Variants in ANKS1B observed in about 807,000 individuals in gnomAD.
The protein encoded by ANKS1B is ankyrin repeat and sterile alpha motif domain-containing protein 1B.
Under a neutral mutation model 148.3 loss-of-function variants are expected in ANKS1B, and 36 were observed. The observed-to-expected ratio is 0.24, with a 90% confidence interval of 0.19 to 0.32. ANKS1B has a LOEUF of 0.32. Ranked by LOEUF, ANKS1B falls within the 10% of genes least tolerant of loss-of-function variation. The pLI, the probability that ANKS1B is intolerant of heterozygous loss-of-function variation, is 1.00. For synonymous variants in ANKS1B, 542 were observed against 560.8 expected (o/e 0.97, Z 0.47); for missense variants, 1,157 against 1,542.6 (o/e 0.75, Z 4.19).
intron 25 of ANKS1B, among the ~76,000 whole-genome samples, chr12:98,766,079 T>A (rs1353100537): frequency 6.6e-6 from 1 of 152,238 alleles, no homozygotes; most frequent in Non-Finnish European, 1.5e-5. Context: ...AATGTCTGGT[T>A]TCTAACTTCA....
intron 17 of ANKS1B, among the ~76,000 whole-genome samples, chr12:98,994,017 T>C (rs1464322474): frequency 1.3e-5 from 2 of 152,178 alleles, no homozygotes; most frequent in Non-Finnish European, 2.9e-5. Flanking sequence ...ACATTGTAAT[T>C]AATTAAAACA....
intron 10 of ANKS1B, among the ~76,000 whole-genome samples, chr12:99,483,868 A>G (rs2096450750): frequency 1.3e-5 from 2 of 151,744 alleles, no homozygotes; most frequent in South Asian, 4.2e-4. Context: ...TTTCTAATTG[A>G]GCTTATTTGA....
At position 98,987,261 on chromosome 12, in the gene ANKS1B, GA is replaced by G. The variant is rs1322001272; in HGVS notation, c.2778+65895del. Reference sequence around the variant, plus strand: ...GCAATAAATAGGTCAAAATTGTGCTGATGAACTTCATTAAAATTTTAACTTC... The same window carrying G: ...GCAATAAATAGGTCAAAATTGTGCTGTGAACTTCATTAAAATTTTAACTTC... On this transcript the variant is annotated intron_variant, in intron 17 of 26. Transcript: ENST00000683438. Among the ~76,000 whole-genome samples the G allele has an allele frequency of 4.6e-5, 7 of 151,114 alleles. No individual in the cohort carries two copies. The East Asian group carries it at 1.4e-3, about 29-fold the overall frequency.
intron 8 of ANKS1B, among the ~76,000 whole-genome samples, chr12:99,767,047 A>G (rs2062715219): frequency 2.6e-5 from 4 of 152,246 alleles, no homozygotes; most frequent in Middle Eastern, 6.8e-3. Context: ...ATATTTTCCA[A>G]AAGTAGGGAC....
At chr12:98,989,695 T>G (rs2099925400) in intron 17 of ANKS1B, among the ~76,000 whole-genome samples, 1 of 152,106 alleles carries the variant, frequency 6.6e-6, no homozygotes, top group African/African-American at 2.4e-5. Flanking sequence ...GTCCCAGCAC[T>G]TTGGGAGGCC....
intron 17 of ANKS1B, among the ~76,000 whole-genome samples, chr12:98,864,031 G>A (rs914304899): frequency 7.2e-5 from 11 of 151,954 alleles, no homozygotes; most frequent in African/African-American, 1.2e-4. Flanking sequence ...TTCAATAACC[G>A]TAAGAGCTGG....
At chr12:99,544,766 A>T (rs2153139752) in intron 9 of ANKS1B, among the ~76,000 whole-genome samples, 1 of 152,116 alleles carries the variant, frequency 6.6e-6, no homozygotes, top group East Asian at 1.9e-4. Context: ...TAGGTCTGAG[A>T]CTCACCTCCC....
chr12:99,060,338 G>A (rs1344738325), intron 16 of ANKS1B, among the ~76,000 whole-genome samples: 1 of 152,000 alleles, frequency 6.6e-6, no homozygotes, highest in East Asian at 1.9e-4. Context: ...GAAACCACAG[G>A]ACAGTACTCT....
intron 1 of ANKS1B, among the ~76,000 whole-genome samples, chr12:99,849,029 T>C (rs1035534548): frequency 1.3e-5 from 2 of 152,012 alleles, no homozygotes; most frequent in Admixed American, 1.3e-4. Context: ...TAATAGATAC[T>C]GGGAAATAAA....
At chr12:99,445,595 T>C (rs970153542) in intron 10 of ANKS1B, among the ~76,000 whole-genome samples, 4 of 152,050 alleles carry the variant, frequency 2.6e-5, no homozygotes, top group African/African-American at 9.7e-5. Context: ...GGAGGCTTTG[T>C]GTATGAGAAT....
chr12:98,810,889 C>T (rs1403050826), intron 19 of ANKS1B, among the ~76,000 whole-genome samples: 1 of 152,178 alleles, frequency 6.6e-6, no homozygotes, highest in East Asian at 1.9e-4. Context: ...CTTAAAAAGC[C>T]CGGGGTGGAT....
At chr12:98,793,235 AT>A (rs1413380275) in intron 22 of ANKS1B, among the ~76,000 whole-genome samples, 1 of 152,138 alleles carries the variant, frequency 6.6e-6, no homozygotes, top group Non-Finnish European at 1.5e-5. Flanking sequence ...TTCCCTACTG[AT>A]TAATGATATT....
rs942664551 is a variant in ANKS1B at position 99,554,903 on chromosome 12, C to T, written c.1273-50262G>A. Among the ~76,000 whole-genome samples the T allele has an allele frequency of 7.2e-5, 11 of 152,064 alleles. No homozygotes were observed. The South Asian group carries it at 1.5e-3, about 20-fold the overall frequency. On this transcript the variant is annotated intron_variant, in intron 9 of 26. Coordinates refer to ENST00000683438, the MANE Select transcript of ANKS1B (RefSeq NM_001352186.2). The stretch of plus-strand genomic sequence containing the variant: ...TCTGTTGTTCCCTTCTTTGTGTCCA[C>T]GTGTCCTCAATGTTTAGCAGCCACA...
At position 99,806,647 on chromosome 12, in the gene ANKS1B, T is replaced by G; in HGVS notation, c.426A>C (p.Glu142Asp). The G allele has an allele frequency of 6.2e-7, 1 of 1,613,994 alleles. No individual in the cohort carries two copies. Among genetic ancestry groups the G allele is most frequent in the Non-Finnish European group, 8.5e-7 (1 of 1,179,872 alleles). The change falls in exon 4 of 27, where the codon GAA (glutamate) becomes GAC (aspartate). Residue 142 changes from glutamate (E) to aspartate (D), a missense_variant. Glu to Asp is a conservative substitution (Grantham distance 45). This residue lies in a region of ANKS1B where 164 missense variants were observed against 232.6 expected (regional missense o/e 0.71). Transcript: ENST00000683438. ...LHCAAQYGHS[E>D]VVAVLLEELT... ...GCTCTTCTAGGAGAACAGCAACTACTTCTGAGTGTCCATATTGAGCTGCAC... is the reference window on the plus strand; with the variant it reads ...GCTCTTCTAGGAGAACAGCAACTACGTCTGAGTGTCCATATTGAGCTGCAC...
At chr12:99,322,247 C>T (rs1238011388) in intron 12 of ANKS1B, among the ~76,000 whole-genome samples, 1 of 151,936 alleles carries the variant, frequency 6.6e-6, no homozygotes, top group African/African-American at 2.4e-5. Context: ...AGTAAACTAA[C>T]ACAGGAACAG....
At chr12:99,742,226 C>A (rs2060187247) in intron 8 of ANKS1B, among the ~76,000 whole-genome samples, 1 of 150,588 alleles carries the variant, frequency 6.6e-6, no homozygotes, top group African/African-American at 2.4e-5. Context: ...ATGTAACAAA[C>A]CTGCACATGT....
chr12:99,062,860 T>A (rs543200730), intron 16 of ANKS1B, among the ~76,000 whole-genome samples: 2 of 152,178 alleles, frequency 1.3e-5, no homozygotes, highest in Admixed American at 6.5e-5. Flanking sequence ...CACTTTGCCC[T>A]CCTTTCTTGA....
chr12:99,091,113 T>C (rs2053843362), intron 15 of ANKS1B, among the ~76,000 whole-genome samples: 1 of 152,178 alleles, frequency 6.6e-6, no homozygotes, highest in Non-Finnish European at 1.5e-5. Flanking sequence ...ATGTGGACTA[T>C]TGATTCAAAA....
intron 9 of ANKS1B, among the ~76,000 whole-genome samples, chr12:99,573,508 A>G (rs11612878): frequency 0.14 from 21,230 of 151,992 alleles, 1,673 homozygotes; most frequent in Non-Finnish European, 0.17. Flanking sequence ...CACCATGATC[A>G]CTTTCTTTTC....
Sources: gnomAD v4.1 joint callset for allele counts (sites outside exome capture counted in the v4.1 genomes callset) on GRCh38, gnomAD v4.1.1 for gene constraint, gnomAD v4.1.1 regional missense constraint, MANE v1.5 for transcripts, NCBI Gene and HGNC (gene_info 2026-07-23, HGNC 2026-07-21) for gene names.